NLGN1: variants seen among roughly 807,000 people sequenced by gnomAD.
The protein encoded by NLGN1 is neuroligin-1.
NLGN1 carries 12 observed loss-of-function variants against 65.5 expected under a neutral mutation model. That is an observed-to-expected ratio of 0.18 (90% CI 0.12 to 0.30). The LOEUF is 0.30. Among genes scored for constraint, NLGN1 ranks in the 10% least tolerant of loss-of-function variants. The pLI, the probability that NLGN1 is intolerant of heterozygous loss-of-function variation, is 1.00. For synonymous variants in NLGN1, 350 were observed against 359.5 expected, an observed-to-expected ratio of 0.97 and a Z score of 0.30; for missense variants, 750 against 1,007.1, an observed-to-expected ratio of 0.74 and a Z score of 3.46.
At chr3:174,284,801 C>T (rs902190002) in exon 7 of NLGN1, 3 of 151,354 alleles carry the variant, frequency 2.0e-5, no homozygotes, top group African/African-American at 7.3e-5. Flanking sequence ...AGACGTCTTG[C>T]TGGCAACTCA....
At chr3:173,861,884 G>A (rs553444318) in intron 4 of NLGN1, among the ~76,000 whole-genome samples, 33 of 151,160 alleles carry the variant, frequency 2.2e-4, no homozygotes, top group Middle Eastern at 3.4e-3. Context: ...TCAGCCTCCC[G>A]AGTAGCTGGG....
intron 4 of NLGN1, among the ~76,000 whole-genome samples, chr3:174,191,666 A>G (rs1005087768): frequency 3.9e-5 from 6 of 152,190 alleles, no homozygotes; most frequent in Non-Finnish European, 7.3e-5. Context: ...AACAGGTGTC[A>G]TCTGCTTTGC....
At chr3:173,696,719 T>C (rs9876061) in intron 3 of NLGN1, among the ~76,000 whole-genome samples, 6,599 of 152,312 alleles carry the variant, frequency 0.043, 169 homozygotes, top group African/African-American at 0.06. Flanking sequence ...TGAAAGAACA[T>C]TAGTCGGGCT....
intron 3 of NLGN1, among the ~76,000 whole-genome samples, chr3:173,705,153 CA>C (rs1767862503): frequency 6.6e-6 from 1 of 151,398 alleles, no homozygotes; most frequent in Admixed American, 6.6e-5. Flanking sequence ...CCTTTGGAAA[CA>C]TTTTTTTTTT....
At chr3:173,705,348 C>A (rs1294640445) in intron 3 of NLGN1, among the ~76,000 whole-genome samples, 2 of 152,092 alleles carry the variant, frequency 1.3e-5, no homozygotes, top group Admixed American at 1.3e-4. Context: ...ACCAATGGTA[C>A]TGAGATGTTT....
At chr3:174,100,981 G>A (rs529612432) in intron 4 of NLGN1, among the ~76,000 whole-genome samples, 8 of 152,100 alleles carry the variant, frequency 5.3e-5, no homozygotes, top group Admixed American at 2.0e-4. Flanking sequence ...CAGCAAGTAC[G>A]AGGCCAAGAG....
intron 3 of NLGN1, among the ~76,000 whole-genome samples, chr3:173,772,468 A>C (rs1779725289): frequency 6.6e-6 from 1 of 151,990 alleles, no homozygotes; most frequent in African/African-American, 2.4e-5. Flanking sequence ...AAATACAAAA[A>C]TTAGCCAGGC....
At chr3:173,704,439 TA>T (rs1464428552) in intron 3 of NLGN1, among the ~76,000 whole-genome samples, 1 of 152,152 alleles carries the variant, frequency 6.6e-6, no homozygotes, top group Admixed American at 6.5e-5. Context: ...GTGAGGTAAA[TA>T]ATAGAGACAC....
chr3:173,514,098 A>G (rs1733435623), intron 2 of NLGN1, among the ~76,000 whole-genome samples: 1 of 152,230 alleles, frequency 6.6e-6, no homozygotes. Flanking sequence ...GACTGCACAC[A>G]TAAACAATGC....
At chr3:173,896,399 GTC>G (rs1445028333) in intron 4 of NLGN1, among the ~76,000 whole-genome samples, 4 of 152,162 alleles carry the variant, frequency 2.6e-5, no homozygotes, top group Non-Finnish European at 5.9e-5. Flanking sequence ...GGGAAGTAGA[GTC>G]TCTCCTTTCA....
chr3:173,525,765 T>C (rs987775467), intron 2 of NLGN1, among the ~76,000 whole-genome samples: 1 of 152,092 alleles, frequency 6.6e-6, no homozygotes, highest in South Asian at 2.1e-4. Flanking sequence ...TCACTGCTTT[T>C]GCTGTATCCC....
intron 2 of NLGN1, among the ~76,000 whole-genome samples, chr3:173,539,780 A>C (rs1472299096): frequency 1.0e-5 from 1 of 95,788 alleles, no homozygotes; most frequent in Non-Finnish European, 2.0e-5. Flanking sequence ...TATAACACAT[A>C]TATATGTACA....
chr3:173,993,972 C>G (rs1721703357), intron 4 of NLGN1, among the ~76,000 whole-genome samples: 1 of 151,844 alleles, frequency 6.6e-6, no homozygotes, highest in South Asian at 2.1e-4. Context: ...CAATTTAAGG[C>G]AAATTCTTTG....
At chr3:173,518,783 G>A (rs1577072883) in intron 2 of NLGN1, among the ~76,000 whole-genome samples, 1 of 152,080 alleles carries the variant, frequency 6.6e-6, no homozygotes. Flanking sequence ...GCCCAGCTAC[G>A]TGGTAGAAAA....
chr3:173,880,883 A>G (rs557056842), intron 4 of NLGN1, among the ~76,000 whole-genome samples: 1 of 152,272 alleles, frequency 6.6e-6, no homozygotes, highest in African/African-American at 2.4e-5. Flanking sequence ...ATTGAAGTCA[A>G]TGCTTTCAAA....
chr3:173,903,489 A>G (rs1215165169), intron 4 of NLGN1, among the ~76,000 whole-genome samples: 1 of 152,204 alleles, frequency 6.6e-6, no homozygotes, highest in Non-Finnish European at 1.5e-5. Context: ...TATGTAAAAC[A>G]TAAACATGTT....
chr3:173,796,202 A>T (rs1262339619), intron 3 of NLGN1, among the ~76,000 whole-genome samples: 1 of 152,132 alleles, frequency 6.6e-6, no homozygotes. Context: ...GACCCAAAGT[A>T]TATTAGCCCT....
intron 3 of NLGN1, among the ~76,000 whole-genome samples, chr3:173,768,923 C>A (rs373011402): frequency 6.6e-6 from 1 of 151,968 alleles, no homozygotes; most frequent in South Asian, 2.1e-4. Context: ...ACTACAGGCA[C>A]GTACCACCAC....
chr3:173,644,260 TC>T (rs1757886190), intron 3 of NLGN1: 1 of 154,304 alleles, frequency 6.5e-6, no homozygotes, highest in South Asian at 2.0e-4. Flanking sequence ...AGTGGCCCTG[TC>T]CTACTGGTAC....
Sources: gnomAD v4.1 joint callset for allele counts (sites outside exome capture counted in the v4.1 genomes callset) on GRCh38, gnomAD v4.1.1 for gene constraint, MANE v1.5 for transcripts, NCBI Gene and HGNC (gene_info 2026-07-23, HGNC 2026-07-21) for gene names.